The following RRP1B variants were observed in gnomAD, a reference collection of about 807,000 sequenced individuals.
RRP1B encodes the protein ribosomal RNA processing 1B, also known as ribosomal RNA processing protein 1 homolog B.
RRP1B carries 56 observed loss-of-function variants against 80.2 expected under a neutral mutation model. The observed-to-expected ratio is 0.70, with a 90% CI of 0.56 to 0.87. RRP1B has a LOEUF of 0.87. Among genes scored for constraint, RRP1B ranks in the 40% least tolerant of loss-of-function variants. The pLI is 0.00. For synonymous variants in RRP1B, 351 were observed against 357.6 expected (o/e 0.98, Z 0.21); for missense variants, 807 against 939.8 (o/e 0.86, Z 1.85).
In RRP1B at chr21:43,659,783, A is replaced by T; in HGVS notation, c.119A>T (p.Gln40Leu). 2 of 1,509,442 alleles carry T rather than the reference A, an allele frequency of 1.3e-6. No homozygotes were observed. Among genetic ancestry groups the T allele is most frequent in the Non-Finnish European group, 1.8e-6 (2 of 1,124,692 alleles). 93.5% of individuals were successfully genotyped at this position (1,509,442 alleles called of 1,614,324 possible). A position where few individuals can be genotyped will look rare whatever the true frequency, so the allele number is the denominator to read the frequency against. The change falls in exon 1 of 16, where the codon CAG (glutamine) becomes CTG (leucine). Residue 40 changes from glutamine (Q) to leucine (L), a missense_variant. Coordinates refer to ENST00000340648, the MANE Select transcript of RRP1B (RefSeq NM_015056.3). This position sits in a 1 kb window ranked among gnomAD's most constrained non-coding sequence, Gnocchi z 4.2. ...KLRQYISVKT[Q>L]RETGGFSQEE... ...CGCCAGTACATCAGCGTGAAGACGC[A>T]GAGGGAGACAGGTGGGCGCACGGCC...
chr21:43,687,979 T>C lies in RRP1B; in HGVS notation c.1605T>C (p.Ser535=), dbSNP rs771970987. 6.2e-6 allele frequency: 10 copies of C among 1,613,110 alleles called. No individual in the cohort carries two copies. Among genetic ancestry groups the C allele is most frequent in the Non-Finnish European group, 8.5e-6 (10 of 1,179,984 alleles). ...TTGGAGTTGTGCCCGTCAATGGCAG[T>C]GGCCTGTCCACGCCGGCCTGGCCTC... ...RKLGVVPVNG[S]GLSTPAWPPL... is the part of the protein sequence containing the mutation. The change falls in exon 13 of 16, where the codon AGT becomes AGC. Residue 535 remains serine, a synonymous_variant. Coordinates refer to ENST00000340648, the MANE Select transcript of RRP1B (RefSeq NM_015056.3).
rs188738567 is a variant in RRP1B, at chr21:43,691,555, T to C, written c.2083+53T>C. Reference sequence around the variant, plus strand: ...TTCTCTGGAGCACAGCTGCAGCTCCTGGCGCGGCTCGCAGCCTGGTTCCAC... The same window carrying C: ...TTCTCTGGAGCACAGCTGCAGCTCCCGGCGCGGCTCGCAGCCTGGTTCCAC... On this transcript the variant is annotated intron_variant, in intron 15 of 15. Coordinates refer to ENST00000340648, the MANE Select transcript of RRP1B (RefSeq NM_015056.3). This position sits in a 1 kb window ranked among gnomAD's most constrained non-coding sequence, Gnocchi z 4.2. The C allele has an allele frequency of 4.2e-4, 644 of 1,549,056 alleles. 4 individuals carry two copies. In the African/African-American group the frequency reaches 4.5e-3, roughly 11 times the overall value.
At position 43,685,798 on chromosome 21, in the gene RRP1B, C is replaced by T. The variant is rs193168659; in HGVS notation, c.1009+9C>T. On this transcript the variant is annotated intron_variant, in intron 11 of 15. Coordinates refer to ENST00000340648, the MANE Select transcript of RRP1B (RefSeq NM_015056.3). ...CCAAGACCTTTCTGAAGGTGAGGCG[C>T]GCCAAGAATCATCATTCATGGTGTT... is the stretch of plus-strand genomic sequence containing the variant. 2.4e-5 allele frequency: 38 copies of T among 1,587,776 alleles called. No individual in the cohort carries two copies. Among genetic ancestry groups the T allele is most frequent in the African/African-American group, 1.1e-4 (8 of 74,128 alleles).
rs2083105191 is a variant in RRP1B at position 43,695,866 on chromosome 21, AAAG to A, written c.*2488_*2490del. The A allele has an allele frequency of 6.6e-6, 1 of 152,236 alleles. No homozygotes were observed. The highest frequency in any genetic ancestry group is 2.4e-5 in the African/African-American group (1 of 41,462). 9.4% of individuals were successfully genotyped at this position (152,236 alleles called of 1,614,324 possible). On this transcript the variant is annotated 3_prime_UTR_variant, in exon 16 of 16. Coordinates refer to ENST00000340648, the MANE Select transcript of RRP1B (RefSeq NM_015056.3). ...CTAATTTTTACTGAACTGAAAGCAC[AAAG>A]AAGACTACACAGAAAATCTGGAAAC...
At chr21:43,690,548 T>G in intron 14 of RRP1B, 108 bp downstream of exon 14, 1 of 1,289,762 alleles carries the variant, frequency 7.8e-7, no homozygotes, top group Non-Finnish European at 1.1e-6. Flanking sequence ...TGTGGCCCTC[T>G]GAGCCTGTCC....
intron 1 of RRP1B, among the ~76,000 whole-genome samples, chr21:43,669,664 G>A (rs954355110): frequency 1.3e-5 from 2 of 152,310 alleles, no homozygotes; most frequent in Non-Finnish European, 2.9e-5. Context: ...CGCTGAGGCC[G>A]GGCCACCACT....
At chr21:43,676,108 C>T (rs1253855589) in intron 6 of RRP1B, among the ~76,000 whole-genome samples, 164 bp from the exon 7 acceptor site, 5 of 152,132 alleles carry the variant, frequency 3.3e-5, no homozygotes, top group African/African-American at 1.2e-4. Flanking sequence ...TTCAGCCTGG[C>T]TCCAGGCTTC....
In RRP1B at chr21:43,664,914, C is replaced by T. The variant is rs369657831; in HGVS notation, c.131-4970C>T. On this transcript the variant is annotated intron_variant, in intron 1 of 15. Transcript: ENST00000340648. ...GAACAGCATGAGAAAAACCCGTCCC[C>T]GTGATTCAGTTACCTCCCACTGGGT... Among the ~76,000 whole-genome samples, 28 of 150,370 alleles carry T rather than the reference C, an allele frequency of 1.9e-4. No individual in the cohort carries two copies. The East Asian group carries it at 3.7e-3, about 20-fold the overall frequency.
Position 43,688,150 on chromosome 21 carries a change from T to C in RRP1B, c.1776T>C (p.Ser592=). 1 of 1,581,574 alleles carries C rather than the reference T, an allele frequency of 6.3e-7. No homozygotes were observed. Among genetic ancestry groups the C allele is most frequent in the Non-Finnish European group, 8.6e-7 (1 of 1,163,254 alleles). The part of the protein sequence containing the change: ...LCGLPSQKTA[S]LKKRKKMRVM... ...GCCTGCCCAGCCAGAAAACAGCAAGTTTGAAAAAGAGGAAGAAAATGAGAG... is the reference window on the plus strand; with the variant it reads ...GCCTGCCCAGCCAGAAAACAGCAAGCTTGAAAAAGAGGAAGAAAATGAGAG... Residue 592 remains serine (S), a synonymous_variant, in exon 13 of 16, where the codon AGT becomes AGC. Transcript: ENST00000340648.
chr21:43,691,639 T>TC lies in RRP1B; in HGVS notation c.2083+137_2083+138insC. On this transcript the variant is annotated intron_variant, in intron 15 of 15. Coordinates refer to ENST00000340648, the MANE Select transcript of RRP1B (RefSeq NM_015056.3). This position sits in a 1 kb window ranked among gnomAD's most constrained non-coding sequence, Gnocchi z 4.2. ...TCACTGCCCATTTCTTTATTTTTAT[T>TC]TTTTTTTTTTTTTTGAGACAGAGTC... 4.3e-6 allele frequency: 1 copy of TC among 232,100 alleles called. No individual in the cohort carries two copies. Among genetic ancestry groups the TC allele is most frequent in the Non-Finnish European group, 7.8e-6 (1 of 128,678 alleles). The allele number at this position is 232,100 out of a possible 1,614,324, so 14.4% of individuals were successfully genotyped here.
intron 13 of RRP1B, 27 bp downstream of exon 13, chr21:43,688,267 C>G (rs905403342): frequency 2.7e-6 from 4 of 1,501,534 alleles, no homozygotes; most frequent in Admixed American, 2.2e-5. Context: ...CACAGGCCAG[C>G]TCGCCACAGA....
intron 4 of RRP1B, 105 bp downstream of exon 4, chr21:43,674,060 C>T: frequency 1.2e-6 from 1 of 819,554 alleles, no homozygotes; most frequent in South Asian, 1.9e-5. Flanking sequence ...AAGCCACAGG[C>T]TTAGTGTGAA....
chr21:43,693,241 G>A lies in RRP1B; in HGVS notation c.2135G>A (p.Arg712Gln). 3 of 1,614,006 alleles carry A rather than the reference G, an allele frequency of 1.9e-6. No homozygotes were observed. The highest frequency in any genetic ancestry group is 2.5e-6 in the Non-Finnish European group (3 of 1,180,020). Reference protein sequence around the residue: ...SILVSPTGPSRVAFDPEQKPL... With the variant: ...SILVSPTGPSQVAFDPEQKPL... ...TTGGTCAGTCCCACGGGCCCTTCTCGAGTGGCCTTCGACCCTGAACAGAAG... is the reference window on the plus strand; with the variant it reads ...TTGGTCAGTCCCACGGGCCCTTCTCAAGTGGCCTTCGACCCTGAACAGAAG... The change falls in exon 16 of 16, where the codon CGA becomes CAA. Residue 712 changes from arginine (R) to glutamine (Q), a missense_variant. Coordinates refer to ENST00000340648, the MANE Select transcript of RRP1B (RefSeq NM_015056.3). This position sits in a 1 kb window ranked among gnomAD's most constrained non-coding sequence, Gnocchi z 4.1.
intron 1 of RRP1B, 37 bp from the exon 2 acceptor site, chr21:43,669,847 A>T: frequency 1.4e-6 from 2 of 1,451,800 alleles, no homozygotes; most frequent in Non-Finnish European, 1.9e-6. Flanking sequence ...AAAGAGATGC[A>T]TAGACTCTAA....
intron 8 of RRP1B, among the ~76,000 whole-genome samples, chr21:43,681,486 G>T (rs2083043511): frequency 6.6e-6 from 1 of 151,864 alleles, no homozygotes; most frequent in African/African-American, 2.4e-5. Context: ...CTCCCAAGTA[G>T]CTGGGATTAC....
intron 13 of RRP1B, among the ~76,000 whole-genome samples, chr21:43,688,685 TC>T (rs1481157633): frequency 4.6e-5 from 7 of 151,990 alleles, no homozygotes; most frequent in Admixed American, 3.3e-4. Context: ...TTTCTTAGCT[TC>T]CCCCCTACCC....
chr21:43,670,422 T>G (rs1450342877), intron 2 of RRP1B, among the ~76,000 whole-genome samples: 2 of 152,266 alleles, frequency 1.3e-5, no homozygotes, highest in Admixed American at 6.5e-5. Context: ...CGAGTGCGCC[T>G]GCGCAGTCAC....
chr21:43,671,492 C>T (rs1020041806), intron 2 of RRP1B, among the ~76,000 whole-genome samples: 7 of 151,832 alleles, frequency 4.6e-5, no homozygotes, highest in South Asian at 2.1e-4. Flanking sequence ...CTCAGCCACC[C>T]GAGTAGCTGG....
intron 4 of RRP1B, 24 bp from the exon 5 acceptor site, chr21:43,674,612 T>TA (rs1555879173): frequency 2.6e-5 from 34 of 1,327,436 alleles, no homozygotes; most frequent in East Asian, 1.5e-4. Context: ...TTTTTTTTTT[T>TA]AAACAAAAAT....
Sources: allele counts gnomAD v4.1 joint callset (sites outside exome capture counted in the v4.1 genomes callset), GRCh38; gene constraint gnomAD v4.1.1; non-coding constraint Gnocchi (gnomAD v3.1); transcripts MANE v1.5; gene names NCBI Gene and HGNC (gene_info 2026-07-23, HGNC 2026-07-21).